Variants in TAF4 observed in about 807,000 individuals in gnomAD.
TAF4 encodes TATA-box binding protein associated factor 4.
A neutral mutation model predicts 90.3 loss-of-function variants in TAF4; 9 were observed. The observed-to-expected ratio is 0.10, with a 90% CI of 0.06 to 0.17. The LOEUF is 0.17. TAF4 is among the 10% of genes least tolerant of loss of function. The probability of loss-of-function intolerance (pLI) is 1.00; values close to 1 mark genes in which losing one functional copy is unlikely to be tolerated. For synonymous variants in TAF4, 818 were observed against 638.9 expected, an observed-to-expected ratio of 1.28 and a Z score of -4.23; for missense variants, 1,351 against 1,370.7, an observed-to-expected ratio of 0.99 and a Z score of 0.23.
intron 1 of TAF4, among the ~76,000 whole-genome samples, chr20:62,019,374 A>T (rs2055829972): frequency 6.6e-6 from 1 of 152,256 alleles, no homozygotes; most frequent in African/African-American, 2.4e-5. Flanking sequence ...AACATTCTTC[A>T]GAAACGTAAC....
intron 1 of TAF4, among the ~76,000 whole-genome samples, chr20:62,033,171 A>G (rs571428037): frequency 9.8e-5 from 15 of 152,326 alleles, no homozygotes; most frequent in African/African-American, 3.4e-4. Flanking sequence ...CTCAGCTCTC[A>G]GCAGGGCGGG....
chr20:62,039,240 AGAAGG>A (rs572159886), intron 1 of TAF4, among the ~76,000 whole-genome samples: 30 of 152,356 alleles, frequency 2.0e-4, no homozygotes, highest in Admixed American at 5.2e-4. Context: ...GCTGAGCTGC[AGAAGG>A]GAAGACAAGG....
At chr20:62,016,427 A>C (rs2055812493) in intron 1 of TAF4, among the ~76,000 whole-genome samples, 1 of 152,260 alleles carries the variant, frequency 6.6e-6, no homozygotes, top group South Asian at 2.1e-4. Flanking sequence ...TAAAGCAGGC[A>C]GAGGAACGTG....
intron 7 of TAF4, 63 bp from the exon 8 acceptor site, chr20:62,003,941 C>A: frequency 8.7e-6 from 13 of 1,489,246 alleles, no homozygotes; most frequent in Non-Finnish European, 1.2e-5. Context: ...CACTCAGTCC[C>A]TAGCAGGAGG....
intron 1 of TAF4, among the ~76,000 whole-genome samples, chr20:62,036,080 G>T (rs1051868505): frequency 1.3e-5 from 2 of 151,072 alleles, no homozygotes; most frequent in African/African-American, 4.9e-5. Flanking sequence ...CTCGAGTGCA[G>T]TGGCGCAATC....
At chr20:62,020,858 G>A (rs2055838878) in intron 1 of TAF4, among the ~76,000 whole-genome samples, 1 of 152,210 alleles carries the variant, frequency 6.6e-6, no homozygotes, top group South Asian at 2.1e-4. Context: ...AAATGTGAAG[G>A]AGCATTCCAG....
In TAF4 at chr20:62,010,243, C is replaced by G; in HGVS notation, c.1642-78G>C. 4 of 1,599,606 alleles carry G rather than the reference C, an allele frequency of 2.5e-6. No individual in the cohort carries two copies. The highest frequency in any genetic ancestry group is 3.4e-6 in the Non-Finnish European group (4 of 1,173,394). On this transcript the variant is annotated intron_variant, in intron 3 of 14. Coordinates refer to ENST00000252996, the MANE Select transcript of TAF4 (RefSeq NM_003185.4). This position sits in a 1 kb window ranked among gnomAD's most constrained non-coding sequence, Gnocchi z 4.5. ...AGGGGGAGACCAGCCTCACGCCCAG[C>G]AAAAGAAAACAAGCCTCCCTGCGGT...
chr20:62,006,681 C>T lies in TAF4; in HGVS notation c.2052G>A (p.Pro684=), dbSNP rs200966805. The change falls in exon 7 of 15, where the codon CCG becomes CCA. Residue 684 remains proline (P), a synonymous_variant. Coordinates refer to ENST00000252996, the MANE Select transcript of TAF4 (RefSeq NM_003185.4). The surrounding 1 kb of genome is among the most constrained non-coding windows in gnomAD (Gnocchi z 7.0). ...GCGCAGTGGTGGCCTGCGAGGTGGG[C>T]GGTGGCGGCTGCTGCTGGCTCTGCT... ...FIQQSQQQPP[P]PTSQATTALT... 10 of 1,592,112 alleles carry T rather than the reference C, an allele frequency of 6.3e-6. No homozygotes were observed. Among genetic ancestry groups the T allele is most frequent in the East Asian group, 2.3e-5 (1 of 43,722 alleles).
At chr20:62,014,407 G>A (rs749903246) in intron 2 of TAF4, 140 bp downstream of exon 2, 83 of 1,146,180 alleles carry the variant, frequency 7.2e-5, no homozygotes, top group African/African-American at 3.0e-4. Flanking sequence ...TAGATGGGAC[G>A]GATGGGACTG....
In TAF4 at chr20:61,991,033, A is replaced by T. The variant is rs189267189; in HGVS notation, c.3090+6517T>A. ...ATCCCTACAGACCACAGAAGACCTCAGAAACACATACTCAAAACAGCAGGT... is the reference window on the plus strand; with the variant it reads ...ATCCCTACAGACCACAGAAGACCTCTGAAACACATACTCAAAACAGCAGGT... On this transcript the variant is annotated intron_variant, in intron 14 of 14. Coordinates refer to ENST00000252996, the MANE Select transcript of TAF4 (RefSeq NM_003185.4). 2.8e-3 allele frequency among the ~76,000 whole-genome samples: 429 copies of T among 152,332 alleles called. 5 individuals carry two copies. The highest frequency in any genetic ancestry group is 0.024 in the Admixed American group (362 of 15,300).
chr20:62,009,221 T>G, intron 4 of TAF4, 47 bp from the exon 5 acceptor site: 1 of 1,559,384 alleles, frequency 6.4e-7, no homozygotes. Context: ...AAAAGGCAGA[T>G]TTTTGTCACA....
chr20:62,006,784 G>C lies in TAF4; in HGVS notation c.1975-26C>G. 6.9e-7 allele frequency: 1 copy of C among 1,454,178 alleles called. No homozygotes were observed. The highest frequency in any genetic ancestry group is 9.1e-7 in the Non-Finnish European group (1 of 1,094,356). 90.1% of individuals were successfully genotyped at this position (1,454,178 alleles called of 1,614,324 possible). A position where few individuals can be genotyped will look rare whatever the true frequency, so the allele number is the denominator to read the frequency against. ...CTGGGTGGAAAGACAGACACGAGGG[G>C]TCAGGCGGCTGCTCATGCGTCGGTT... On this transcript the variant is annotated intron_variant, in intron 6 of 14. Transcript: ENST00000252996. This position sits in a 1 kb window ranked among gnomAD's most constrained non-coding sequence, Gnocchi z 7.0.
chr20:62,055,111 C>A (rs1374954513), intron 1 of TAF4, among the ~76,000 whole-genome samples: 1 of 152,230 alleles, frequency 6.6e-6, no homozygotes, highest in Admixed American at 6.5e-5. Flanking sequence ...TGGCTTCCAG[C>A]CACTGAGGCA....
rs534531871 is a variant in TAF4 at position 62,051,328 on chromosome 20, T to A, written c.1360+13123A>T. ...GCTCTTGACGTGGGACACCGGGGGT[T>A]CTGGGCCCACTGTGCCTGAAGCAAT... is the stretch of plus-strand genomic sequence containing the variant. On this transcript the variant is annotated intron_variant, in intron 1 of 14. Coordinates refer to ENST00000252996, the MANE Select transcript of TAF4 (RefSeq NM_003185.4). 2.0e-5 allele frequency among the ~76,000 whole-genome samples: 3 copies of A among 152,178 alleles called. No homozygotes were observed. In the East Asian group the frequency reaches 5.8e-4, roughly 30 times the overall value.
chr20:61,985,303 C>T (rs2055581052), intron 14 of TAF4, among the ~76,000 whole-genome samples: 1 of 151,876 alleles, frequency 6.6e-6, no homozygotes, highest in Non-Finnish European at 1.5e-5. Context: ...GGAAGCCAGG[C>T]CTGGTTGTGT....
intron 14 of TAF4, among the ~76,000 whole-genome samples, chr20:61,994,849 G>C (rs1011531815): frequency 1.3e-5 from 2 of 152,198 alleles, no homozygotes; most frequent in African/African-American, 4.8e-5. Context: ...GGGCAGAGTA[G>C]AGGGCAGTCC....
chr20:62,017,518 G>A (rs1334761454), intron 1 of TAF4, among the ~76,000 whole-genome samples: 1 of 151,992 alleles, frequency 6.6e-6, no homozygotes, highest in Non-Finnish European at 1.5e-5. Flanking sequence ...ATGGTGGCGG[G>A]CCCCTGTAGT....
rs929204454 is a variant in TAF4, at chr20:62,010,312, C to T, written c.1642-147G>A. 6.6e-6 allele frequency: 8 copies of T among 1,217,738 alleles called. No homozygotes were observed. Among genetic ancestry groups the T allele is most frequent in the Non-Finnish European group, 8.0e-6 (7 of 875,564 alleles). The allele number at this position is 1,217,738 out of a possible 1,614,324, so 75.4% of individuals were successfully genotyped here. On this transcript the variant is annotated intron_variant, in intron 3 of 14. Transcript: ENST00000252996. The surrounding 1 kb of genome is among the most constrained non-coding windows in gnomAD (Gnocchi z 4.5). The stretch of plus-strand genomic sequence containing the variant: ...GCCAAGGACCCCGGCCACCTGCCAG[C>T]CCGCTGGACACGGGAGTGCTGCTGG...
intron 1 of TAF4, among the ~76,000 whole-genome samples, chr20:62,030,533 T>C (rs1001834208): frequency 1.3e-5 from 2 of 152,236 alleles, no homozygotes; most frequent in Non-Finnish European, 2.9e-5. Context: ...CACTGCGGCC[T>C]GTCGTGCCTC....
Sources: allele counts gnomAD v4.1 joint callset (sites outside exome capture counted in the v4.1 genomes callset), GRCh38; gene constraint gnomAD v4.1.1; non-coding constraint Gnocchi (gnomAD v3.1); transcripts MANE v1.5; gene names NCBI Gene and HGNC (gene_info 2026-07-23, HGNC 2026-07-21).